The following ACSM4 variants were observed in gnomAD, a reference collection of about 807,000 sequenced individuals.
ACSM4 encodes acyl-CoA synthetase medium chain family member 4.
A neutral mutation model predicts 73.0 loss-of-function variants in ACSM4; 66 were observed. The ratio of observed to expected loss-of-function variants is 0.90; its 90% CI spans 0.74 to 1.11. The LOEUF (loss-of-function observed/expected upper bound fraction) is 1.11, where lower values mean the gene tolerates loss of function less well. Among genes scored for constraint, ACSM4 ranks in the 50% least tolerant of loss-of-function variants. ACSM4 has a pLI of 0.00. For synonymous variants in ACSM4, 222 were observed against 254.0 expected (o/e 0.87, Z 1.20); for missense variants, 645 against 714.4 (o/e 0.90, Z 1.11).
At chr12:7,320,427 GA>G (rs1269930953) in intron 5 of ACSM4, among the ~76,000 whole-genome samples, 3 of 152,156 alleles carry the variant, frequency 2.0e-5, no homozygotes, top group African/African-American at 7.2e-5. Flanking sequence ...TAGCCCTGAG[GA>G]AGAATAAACC....
Position 7,304,410 on chromosome 12 carries a change from C to T in ACSM4, c.79C>T (p.His27Tyr). 1 of 1,614,024 alleles carries T rather than the reference C, an allele frequency of 6.2e-7. No individual in the cohort carries two copies. ...KPPGRRLHKD[H>Y]QLWTPLTLAD... ...ACCTGGCCGGCGCTTACACAAAGAT[C>T]ACCAGCTTTGGACGCCTCTGACTCT... The change falls in exon 1 of 13, where the codon CAC (histidine) becomes TAC (tyrosine). Residue 27 changes from histidine to tyrosine, a missense_variant. Coordinates refer to ENST00000399422, the MANE Select transcript of ACSM4 (RefSeq NM_001080454.2).
chr12:7,322,674 G>A (rs1817342958), intron 7 of ACSM4, 133 bp downstream of exon 7: 2 of 1,161,894 alleles, frequency 1.7e-6, no homozygotes, highest in Non-Finnish European at 1.2e-6. Flanking sequence ...CACCTTGCCA[G>A]TAGTTACCAA....
rs376749908 is a variant in ACSM4 at position 7,327,100 on chromosome 12, G to A, written c.1656+5G>A. 4.9e-5 allele frequency: 78 copies of A among 1,594,838 alleles called. No individual in the cohort carries two copies. The highest frequency in any genetic ancestry group is 1.7e-4 in the Middle Eastern group (1 of 5,980). On this transcript the variant is annotated splice_donor_5th_base_variant and intron_variant, in intron 12 of 12. Coordinates refer to ENST00000399422, the MANE Select transcript of ACSM4 (RefSeq NM_001080454.2). The stretch of plus-strand genomic sequence containing the variant: ...CCTTACAAATATCCAAGAAAGGCAA[G>A]TGCTTTGCCCAAAAGTTAAGTTTGG...
At chr12:7,310,981 C>T (rs371811952) in intron 3 of ACSM4, among the ~76,000 whole-genome samples, 17 of 152,064 alleles carry the variant, frequency 1.1e-4, no homozygotes, top group African/African-American at 3.6e-4. Flanking sequence ...GCCTGGCCAA[C>T]GTAGTGAAAC....
chr12:7,324,541 G>T lies in ACSM4; in HGVS notation c.1479G>T (p.Glu493Asp). 1 of 1,613,970 alleles carries T rather than the reference G, an allele frequency of 6.2e-7. No individual in the cohort carries two copies. The highest frequency in any genetic ancestry group is 8.5e-7 in the Non-Finnish European group (1 of 1,179,870). Reference protein sequence around the residue: ...GPFEVESALIEHPAVVESAVV... With the variant: ...GPFEVESALIDHPAVVESAVV... ...TTGAAGTGGAGAGTGCACTCATTGAGCATCCAGCAGTTGTTGAATCGGCTG... is the reference window on the plus strand; with the variant it reads ...TTGAAGTGGAGAGTGCACTCATTGATCATCCAGCAGTTGTTGAATCGGCTG... The change falls in exon 11 of 13, where the codon GAG becomes GAT. Residue 493 changes from glutamate (E) to aspartate (D), a missense_variant. Glu to Asp is a conservative substitution (Grantham distance 45, BLOSUM62 2). Coordinates refer to ENST00000399422, the MANE Select transcript of ACSM4 (RefSeq NM_001080454.2).
chr12:7,316,186 T>C (rs754568816), intron 3 of ACSM4, among the ~76,000 whole-genome samples: 22 of 152,202 alleles, frequency 1.4e-4, no homozygotes, highest in Non-Finnish European at 3.1e-4. Flanking sequence ...GAAGGAATCA[T>C]GGAGCTATCT....
intron 1 of ACSM4, 52 bp from the exon 2 acceptor site, chr12:7,306,481 A>G (rs1946362637): frequency 6.7e-7 from 1 of 1,497,784 alleles, no homozygotes; most frequent in African/African-American, 1.4e-5. Context: ...CGCATGTAAG[A>G]GTAATCAGTC....
chr12:7,306,610 A>G lies in ACSM4; in HGVS notation c.279A>G (p.Glu93=). 1.2e-6 allele frequency: 2 copies of G among 1,603,764 alleles called. No individual in the cohort carries two copies. The highest frequency in any genetic ancestry group is 1.7e-6 in the Non-Finnish European group (2 of 1,175,202). Residue 93 remains glutamate, a synonymous_variant, in exon 2 of 13, where the codon GAA becomes GAG. Transcript: ENST00000399422. ...ATGAGGTAAAATGGAGCTTCAGAGA[A>G]CTGGGCTCCTTGTCCCGAAAAGCTG... ...KGDEVKWSFR[E]LGSLSRKAAN... is the part of the protein sequence containing the mutation.
chr12:7,312,326 A>T (rs1478688157), intron 3 of ACSM4, among the ~76,000 whole-genome samples: 1 of 152,208 alleles, frequency 6.6e-6, no homozygotes, highest in African/African-American at 2.4e-5. Context: ...ACTTATCTCA[A>T]GTGTTGTTTT....
At chr12:7,307,957 A>G (rs568875264) in intron 2 of ACSM4, among the ~76,000 whole-genome samples, 35 of 152,346 alleles carry the variant, frequency 2.3e-4, no homozygotes, top group Non-Finnish European at 4.3e-4. Context: ...AATCACGAAG[A>G]TGTTTGTTGC....
intron 5 of ACSM4, among the ~76,000 whole-genome samples, chr12:7,319,166 G>C (rs1946441768): frequency 6.6e-6 from 1 of 152,098 alleles, no homozygotes; most frequent in South Asian, 2.1e-4. Context: ...AGATCATCAG[G>C]CATTAGATTC....
chr12:7,327,028 A>C lies in ACSM4; in HGVS notation c.1589A>C (p.Glu530Ala). ...LAAPFKSYNPEKLTLELQDHV... is the reference protein window; with the variant it reads ...LAAPFKSYNPAKLTLELQDHV... ...GCACCCTTTAAGTCCTACAACCCAG[A>C]GAAATTAACTCTTGAACTTCAGGAT... Residue 530 changes from glutamate to alanine, a missense_variant, in exon 12 of 13, where the codon GAG becomes GCG. Coordinates refer to ENST00000399422, the MANE Select transcript of ACSM4 (RefSeq NM_001080454.2). 6.2e-7 allele frequency: 1 copy of C among 1,612,828 alleles called. No individual in the cohort carries two copies. The highest frequency in any genetic ancestry group is 8.5e-7 in the Non-Finnish European group (1 of 1,179,448).
At chr12:7,321,608 T>C (rs938927019) in intron 6 of ACSM4, among the ~76,000 whole-genome samples, 1 of 152,240 alleles carries the variant, frequency 6.6e-6, no homozygotes, top group Non-Finnish European at 1.5e-5. Flanking sequence ...GACTATTCAA[T>C]GATTATTTTG....
intron 3 of ACSM4, among the ~76,000 whole-genome samples, chr12:7,313,132 C>G (rs1946400619): frequency 6.6e-6 from 1 of 152,162 alleles, no homozygotes; most frequent in Admixed American, 6.5e-5. Context: ...GCCTTGCACA[C>G]TCCCTGAGCA....
At chr12:7,309,631 G>A (rs1336571794) in intron 2 of ACSM4, among the ~76,000 whole-genome samples, 3 of 152,108 alleles carry the variant, frequency 2.0e-5, no homozygotes, top group Non-Finnish European at 4.4e-5. Flanking sequence ...TCAAACTCCT[G>A]GGCTCAAGTG....
chr12:7,307,396 T>C (rs762091422), intron 2 of ACSM4, among the ~76,000 whole-genome samples: 2 of 152,316 alleles, frequency 1.3e-5, no homozygotes, highest in Non-Finnish European at 2.9e-5. Flanking sequence ...CTCTTTGCAG[T>C]GCTAGATTAT....
At position 7,323,531 on chromosome 12, in the gene ACSM4, C is replaced by A. The variant is rs185520750; in HGVS notation, c.1279C>A (p.Arg427=). The change falls in exon 9 of 13, where the codon CGG becomes AGG. Residue 427 remains arginine (R), a synonymous_variant. Coordinates refer to ENST00000399422, the MANE Select transcript of ACSM4 (RefSeq NM_001080454.2). ...AATTGCCCTCAGACTCAAACCTACACGGCCCTTCTGTTTCTTCTCTAAATA... is the reference window on the plus strand; with the variant it reads ...AATTGCCCTCAGACTCAAACCTACAAGGCCCTTCTGTTTCTTCTCTAAATA... ...GEIALRLKPT[R]PFCFFSKYVD... 17,987 of 1,613,606 alleles carry A rather than the reference C, an allele frequency of 0.011. 138 individuals carry two copies. Among genetic ancestry groups the A allele is most frequent in the Non-Finnish European group, 0.014 (15,973 of 1,179,564 alleles).
At chr12:7,323,187 A>C in intron 7 of ACSM4, 47 bp from the exon 8 acceptor site, 1 of 1,504,516 alleles carries the variant, frequency 6.6e-7, no homozygotes, top group Middle Eastern at 1.7e-4. Flanking sequence ...ATATAGTTTC[A>C]GAATATAAAC....
At chr12:7,324,662 T>G (rs750676976) in intron 11 of ACSM4, 64 bp downstream of exon 11, 3 of 1,539,542 alleles carry the variant, frequency 1.9e-6, no homozygotes, top group Admixed American at 1.7e-5. Flanking sequence ...ATTTGACCAC[T>G]GTAAAGGCTG....
Sources: gnomAD v4.1 joint callset for allele counts (sites outside exome capture counted in the v4.1 genomes callset) on GRCh38, gnomAD v4.1.1 for gene constraint, MANE v1.5 for transcripts, NCBI Gene and HGNC (gene_info 2026-07-23, HGNC 2026-07-21) for gene names.